The following CYRIB variants were observed in gnomAD, a reference collection of about 807,000 sequenced individuals.
CYRIB encodes the protein CYFIP related Rac1 interactor B.
Under a neutral mutation model 44.2 loss-of-function variants are expected in CYRIB, and 8 were observed. The observed-to-expected ratio is 0.18, with a 90% CI of 0.11 to 0.33. The LOEUF is 0.33. Ranked by LOEUF, CYRIB falls within the 10% of genes least tolerant of loss-of-function variation. The probability of loss-of-function intolerance (pLI) is 1.00; values close to 1 mark genes in which losing one functional copy is unlikely to be tolerated. For missense variants in CYRIB, 185 were observed against 382.8 expected, an observed-to-expected ratio of 0.48 and a Z score of 4.31; for synonymous variants, 131 against 127.2, an observed-to-expected ratio of 1.03 and a Z score of -0.20.
intron 11 of CYRIB, among the ~76,000 whole-genome samples, chr8:129,843,638 G>A (rs1205463314): frequency 6.6e-6 from 1 of 152,200 alleles, no homozygotes; most frequent in Non-Finnish European, 1.5e-5. Context: ...CTGGGCTCAA[G>A]CAATCCTCCT....
At chr8:130,008,843 C>A (rs2097160743) in intron 1 of CYRIB, among the ~76,000 whole-genome samples, 1 of 152,194 alleles carries the variant, frequency 6.6e-6, no homozygotes, top group Non-Finnish European at 1.5e-5. Flanking sequence ...GAAGTTATTG[C>A]CCAAGTTTCA....
intron 1 of CYRIB, among the ~76,000 whole-genome samples, chr8:129,984,768 T>G (rs1375329902): frequency 6.6e-6 from 1 of 152,002 alleles, no homozygotes; most frequent in African/African-American, 2.4e-5. Context: ...GGTGGGGGTT[T>G]TTTTTGTTTT....
Position 129,855,759 on chromosome 8 carries a change from A to T in CYRIB, c.302-12T>A. On this transcript the variant is annotated splice_polypyrimidine_tract_variant and intron_variant, in intron 5 of 11. Coordinates refer to ENST00000519824, the Ensembl canonical transcript of CYRIB. ...TCTTAATGCTGCTTCTAAAGAAAAAAATTGAAAAAAACATTAAGTTGTTTG... is the reference window on the plus strand; with the variant it reads ...TCTTAATGCTGCTTCTAAAGAAAAATATTGAAAAAAACATTAAGTTGTTTG... The T allele has an allele frequency of 6.3e-7, 1 of 1,588,560 alleles. No individual in the cohort carries two copies. Among genetic ancestry groups the T allele is most frequent in the East Asian group, 2.2e-5 (1 of 44,622 alleles).
intron 2 of CYRIB, among the ~76,000 whole-genome samples, chr8:129,891,344 T>C (rs1401198457): frequency 3.3e-5 from 5 of 152,224 alleles, no homozygotes; most frequent in African/African-American, 1.2e-4. Flanking sequence ...TGGTTGGAAT[T>C]TGACTGATAT....
At chr8:129,954,631 A>G (rs1045321805) in intron 2 of CYRIB, among the ~76,000 whole-genome samples, 1 of 152,186 alleles carries the variant, frequency 6.6e-6, no homozygotes, top group Non-Finnish European at 1.5e-5. Context: ...TTCACCTTCA[A>G]TCTAATATTT....
At chr8:129,996,993 G>A (rs1180823995) in intron 1 of CYRIB, among the ~76,000 whole-genome samples, 4 of 145,402 alleles carry the variant, frequency 2.8e-5, no homozygotes, top group African/African-American at 1.0e-4. Context: ...TGCCCTCTAA[G>A]ATACCATCAT....
intron 1 of CYRIB, among the ~76,000 whole-genome samples, chr8:130,011,809 G>A (rs1466161218): frequency 1.3e-5 from 2 of 151,852 alleles, no homozygotes; most frequent in African/African-American, 4.8e-5. Context: ...CTCCAGCCTG[G>A]GCGACAGAGC....
intron 1 of CYRIB, among the ~76,000 whole-genome samples, chr8:129,977,753 C>T (rs371933049): frequency 9.9e-4 from 150 of 152,184 alleles, no homozygotes; most frequent in African/African-American, 2.9e-3. Context: ...AGGATGGTCT[C>T]GATCTCCTGA....
chr8:129,852,239 G>A lies in CYRIB; in HGVS notation c.556C>T (p.Arg186Ter). 3 of 1,561,316 alleles carry A rather than the reference G, an allele frequency of 1.9e-6. No homozygotes were observed. Among genetic ancestry groups the A allele is most frequent in the Non-Finnish European group, 1.7e-6 (2 of 1,152,956 alleles). ...GCCTCAGCATAAAACAAAGACATTCGATTTGCCAATTCATTATTTACTTCA... is the reference window on the plus strand; with the variant it reads ...GCCTCAGCATAAAACAAAGACATTCAATTTGCCAATTCATTATTTACTTCA... The change falls in exon 8 of 12, where the codon CGA (arginine) becomes TGA (stop). Residue 186 changes from arginine to a stop codon, truncating the protein, a stop_gained. Coordinates refer to ENST00000519824, the Ensembl canonical transcript of CYRIB. LOFTEE classifies it high-confidence loss of function.
At chr8:130,001,230 C>T (rs1185168313) in intron 1 of CYRIB, among the ~76,000 whole-genome samples, 1 of 152,166 alleles carries the variant, frequency 6.6e-6, no homozygotes, top group African/African-American at 2.4e-5. Flanking sequence ...CTGCCTCCCA[C>T]CACAGAGCAC....
chr8:129,980,700 G>A (rs1019435812), intron 1 of CYRIB, among the ~76,000 whole-genome samples: 10 of 151,544 alleles, frequency 6.6e-5, no homozygotes, highest in African/African-American at 9.7e-5. Flanking sequence ...CATACTATGA[G>A]GTCAGGCACA....
intron 2 of CYRIB, among the ~76,000 whole-genome samples, chr8:129,953,143 G>T (rs1404921500): frequency 6.6e-6 from 1 of 152,136 alleles, no homozygotes; most frequent in Non-Finnish European, 1.5e-5. Context: ...TCTAGGGGAT[G>T]AAAGGCACAC....
intron 2 of CYRIB, chr8:129,896,750 G>C (rs1187692251): frequency 6.6e-6 from 1 of 152,182 alleles, no homozygotes; most frequent in African/African-American, 2.4e-5. Context: ...AGGACCTACT[G>C]CCAAGTAAAC....
At chr8:129,904,947 G>T (rs969691430) in intron 1 of CYRIB, among the ~76,000 whole-genome samples, 1 of 152,126 alleles carries the variant, frequency 6.6e-6, no homozygotes, top group African/African-American at 2.4e-5. Context: ...TTATCTAAAT[G>T]GTGCCACTGC....
At chr8:129,896,196 A>C (rs1183708791) in intron 2 of CYRIB, among the ~76,000 whole-genome samples, 1 of 152,232 alleles carries the variant, frequency 6.6e-6, no homozygotes, top group Non-Finnish European at 1.5e-5. Flanking sequence ...ATAAATGAAC[A>C]ATTCAAGTAA....
intron 1 of CYRIB, among the ~76,000 whole-genome samples, chr8:129,911,017 A>G (rs2136283914): frequency 6.6e-6 from 1 of 152,338 alleles, no homozygotes; most frequent in East Asian, 1.9e-4. Flanking sequence ...CAATTGTGTA[A>G]CTTAGTCCTT....
chr8:129,857,874 T>C (rs1419744232), intron 5 of CYRIB, among the ~76,000 whole-genome samples: 2 of 152,234 alleles, frequency 1.3e-5, no homozygotes, highest in Non-Finnish European at 2.9e-5. Context: ...AAAATGCATC[T>C]GCCTAGACTT....
intron 2 of CYRIB, among the ~76,000 whole-genome samples, chr8:129,883,557 A>T (rs954607282): frequency 6.6e-6 from 1 of 152,170 alleles, no homozygotes; most frequent in African/African-American, 2.4e-5. Flanking sequence ...ATAAACAAAA[A>T]ATTAAAACCA....
At chr8:129,854,203 A>G in intron 7 of CYRIB, 63 bp downstream of exon 9, 6 of 1,239,408 alleles carry the variant, frequency 4.8e-6, no homozygotes, top group Non-Finnish European at 7.0e-6. Context: ...ACAAAATAAT[A>G]AAATGAACAG....
Sources: allele counts gnomAD v4.1 joint callset (sites outside exome capture counted in the v4.1 genomes callset), GRCh38; gene constraint gnomAD v4.1.1; transcripts MANE v1.5; gene names NCBI Gene and HGNC (gene_info 2026-07-23, HGNC 2026-07-21).